The following ARHGEF28 variants were observed in gnomAD, a reference collection of about 807,000 sequenced individuals.
ARHGEF28 encodes the protein Rho guanine nucleotide exchange factor 28.
In ARHGEF28, 152 loss-of-function variants were observed where a neutral mutation model predicts 206.6. The observed-to-expected ratio is 0.74, with a 90% CI of 0.64 to 0.84. The LOEUF is 0.84. ARHGEF28 is among the 40% of genes least tolerant of loss of function. The pLI, the probability that ARHGEF28 is intolerant of heterozygous loss-of-function variation, is 0.00. For synonymous variants in ARHGEF28, 763 were observed against 776.4 expected, an observed-to-expected ratio of 0.98 and a Z score of 0.29; for missense variants, 2,028 against 2,073.2, an observed-to-expected ratio of 0.98 and a Z score of 0.42.
At chr5:73,799,605 C>T (rs959566165) in intron 9 of ARHGEF28, among the ~76,000 whole-genome samples, 2 of 152,132 alleles carry the variant, frequency 1.3e-5, no homozygotes, top group African/African-American at 4.8e-5. Context: ...CATACTGAAG[C>T]TGATTTTCCT....
chr5:73,820,948 G>T (rs901292724), intron 9 of ARHGEF28, among the ~76,000 whole-genome samples: 1 of 152,114 alleles, frequency 6.6e-6, no homozygotes, highest in Non-Finnish European at 1.5e-5. Context: ...CAGAGTCCCA[G>T]ATGGAAGCAG....
Position 73,940,695 on chromosome 5 carries a change from T to C in ARHGEF28, c.4949-149T>C, listed in dbSNP as rs1019982356. On this transcript the variant is annotated intron_variant, in intron 35 of 35. Coordinates refer to ENST00000513042, the MANE Select transcript of ARHGEF28 (RefSeq NM_001177693.2). The stretch of plus-strand genomic sequence containing the variant: ...GATATTGATGAATGATTTTGACACC[T>C]ATTATGTTCCTTTCTCATTGGGCTT... 2.7e-5 allele frequency: 14 copies of C among 526,692 alleles called. 1 individual carries two copies. In the African/African-American group the frequency reaches 2.7e-4, roughly 10 times the overall value. 32.6% of individuals were successfully genotyped at this position (526,692 alleles called of 1,614,324 possible). A position where few individuals can be genotyped will look rare whatever the true frequency, so the allele number is the denominator to read the frequency against.
intron 35 of ARHGEF28, among the ~76,000 whole-genome samples, chr5:73,917,154 C>T (rs961396576): frequency 2.6e-5 from 4 of 152,104 alleles, no homozygotes; most frequent in East Asian, 1.9e-4. Context: ...AGGGACATTA[C>T]GTGCCTTTAT....
At chr5:73,697,035 C>A (rs115281142) in intron 2 of ARHGEF28, among the ~76,000 whole-genome samples, 1,777 of 152,252 alleles carry the variant, frequency 0.012, 39 homozygotes, top group African/African-American at 0.041. Context: ...GGGAACATGT[C>A]TCAGAGTTTG....
intron 35 of ARHGEF28, among the ~76,000 whole-genome samples, chr5:73,911,930 A>G (rs1406223938): frequency 2.6e-5 from 4 of 152,218 alleles, no homozygotes; most frequent in Non-Finnish European, 4.4e-5. Context: ...TGAAACACCT[A>G]TGTTGACACT....
At position 73,904,215 on chromosome 5, in the gene ARHGEF28, A is replaced by T. The variant is rs1762427374; in HGVS notation, c.4075-7A>T. ...TTATTCATTTTCTTGTTTTTTATGT[A>T]TTTTAGGTGGAATGTAGAAATTTTC... On this transcript the variant is annotated splice_region_variant and splice_polypyrimidine_tract_variant and intron_variant, in intron 31 of 35. Coordinates refer to ENST00000513042, the MANE Select transcript of ARHGEF28 (RefSeq NM_001177693.2). 6.2e-7 allele frequency: 1 copy of T among 1,613,504 alleles called. No individual in the cohort carries two copies. The highest frequency in any genetic ancestry group is 8.5e-7 in the Non-Finnish European group (1 of 1,179,532).
At chr5:73,690,525 C>CAAAAAAAAA (rs71615796) in intron 2 of ARHGEF28, among the ~76,000 whole-genome samples, 1 of 23,356 alleles carries the variant, frequency 4.3e-5, no homozygotes, top group South Asian at 1.6e-3. Flanking sequence ...TCTGTCTTTA[C>CAAAAAAAAA]AAAAAAAAAA....
chr5:73,694,532 G>GGAATGGC (rs1315214922), intron 2 of ARHGEF28, among the ~76,000 whole-genome samples: 1 of 152,184 alleles, frequency 6.6e-6, no homozygotes, highest in Non-Finnish European at 1.5e-5. Context: ...ATGGGTTAGA[G>GGAATGGC]TTTTCTCTGG....
intron 1 of ARHGEF28, among the ~76,000 whole-genome samples, chr5:73,679,362 T>A (rs1017206156): frequency 6.6e-6 from 1 of 151,986 alleles, no homozygotes; most frequent in African/African-American, 2.4e-5. Context: ...AGGTCAGGAG[T>A]TCGAGACCAG....
In ARHGEF28 at chr5:73,894,439, G is replaced by C; in HGVS notation, c.3705G>C (p.Glu1235Asp). 6.2e-7 allele frequency: 1 copy of C among 1,613,674 alleles called. No individual in the cohort carries two copies. Among genetic ancestry groups the C allele is most frequent in the Non-Finnish European group, 8.5e-7 (1 of 1,179,746 alleles). ...QDQQICAYLE[E>D]KLHIYAELGE... ...AACAAATTTGTGCGTATTTGGAGGA[G>C]AAGCTGCATATCTATGCTGAACTTG... Residue 1235 changes from glutamate to aspartate, a missense_variant, in exon 29 of 36, where the codon GAG (glutamate) becomes GAC (aspartate). Transcript: ENST00000513042.
At chr5:73,824,397 A>C (rs1435490506) in intron 9 of ARHGEF28, among the ~76,000 whole-genome samples, 1 of 152,180 alleles carries the variant, frequency 6.6e-6, no homozygotes, top group Non-Finnish European at 1.5e-5. Context: ...GAAAGAGCTC[A>C]GAGAAGAAGG....
At chr5:73,842,245 A>C (rs1199127031) in intron 11 of ARHGEF28, among the ~76,000 whole-genome samples, 2 of 152,240 alleles carry the variant, frequency 1.3e-5, no homozygotes, top group East Asian at 3.8e-4. Flanking sequence ...AATGAATCAA[A>C]GTGAACATAA....
intron 9 of ARHGEF28, among the ~76,000 whole-genome samples, chr5:73,815,448 C>T (rs905929729): frequency 6.6e-6 from 1 of 152,056 alleles, no homozygotes; most frequent in African/African-American, 2.4e-5. Flanking sequence ...AGGAGATACA[C>T]AAAGTCATTA....
At chr5:73,775,698 A>G (rs1473085155) in intron 5 of ARHGEF28, among the ~76,000 whole-genome samples, 2 of 152,218 alleles carry the variant, frequency 1.3e-5, no homozygotes, top group Non-Finnish European at 2.9e-5. Context: ...GGGATGTGAC[A>G]TGCTGAGGTA....
At chr5:73,904,014 A>G (rs1762413283) in intron 31 of ARHGEF28, 1 of 566,978 alleles carries the variant, frequency 1.8e-6, no homozygotes, top group South Asian at 2.5e-5. Context: ...TCAAACATCG[A>G]CTTTGCGTGA....
At chr5:73,883,697 A>G (rs1167884360) in intron 23 of ARHGEF28, 70 bp from the exon 24 acceptor site, 3 of 943,416 alleles carry the variant, frequency 3.2e-6, no homozygotes, top group Non-Finnish European at 4.6e-6. Flanking sequence ...GATTCTTTGT[A>G]TTGTTACATT....
intron 10 of ARHGEF28, among the ~76,000 whole-genome samples, chr5:73,834,796 C>T (rs1047019739): frequency 6.6e-6 from 1 of 152,048 alleles, no homozygotes; most frequent in African/African-American, 2.4e-5. Context: ...ATAGGCTATA[C>T]CATATAGCCT....
intron 12 of ARHGEF28, 49 bp downstream of exon 12, chr5:73,846,524 T>C: frequency 6.5e-7 from 1 of 1,546,170 alleles, no homozygotes; most frequent in Non-Finnish European, 8.9e-7. Flanking sequence ...GGAGAATATG[T>C]TGTCTGCATT....
At chr5:73,932,802 T>TTC (rs1251006669) in intron 35 of ARHGEF28, among the ~76,000 whole-genome samples, 1 of 113,882 alleles carries the variant, frequency 8.8e-6, no homozygotes, top group Non-Finnish European at 1.8e-5. Flanking sequence ...TCCTATTTCT[T>TTC]TTTTTTTTTT....
Sources: gnomAD v4.1 joint callset for allele counts (sites outside exome capture counted in the v4.1 genomes callset) on GRCh38, gnomAD v4.1.1 for gene constraint, MANE v1.5 for transcripts, NCBI Gene and HGNC (gene_info 2026-07-23, HGNC 2026-07-21) for gene names.